The following DCST1 variants were observed in gnomAD, a reference collection of about 807,000 sequenced individuals.
The protein encoded by DCST1 is DC-STAMP domain containing 1, also known as E3 ubiquitin-protein ligase DCST1.
Under a neutral mutation model 89.1 loss-of-function variants are expected in DCST1, and 78 were observed. The observed-to-expected ratio is 0.88, with a 90% confidence interval of 0.73 to 1.06. DCST1 has a LOEUF of 1.06. Ranked by LOEUF, DCST1 falls within the 50% of genes least tolerant of loss-of-function variation. The pLI is 0.00. For missense variants in DCST1, 900 were observed against 928.6 expected, an observed-to-expected ratio of 0.97 and a Z score of 0.40; for synonymous variants, 364 against 371.9, an observed-to-expected ratio of 0.98 and a Z score of 0.24.
Position 155,039,408 on chromosome 1 carries a change from G to A in DCST1, c.268G>A (p.Gly90Arg), listed in dbSNP as rs956439575. The change falls in exon 5 of 17, where the codon GGG becomes AGG. Residue 90 changes from glycine to arginine, a missense_variant. Physicochemically the swap from Gly to Arg is moderately radical, Grantham distance 125. Transcript: ENST00000295542. ...CTCCTGGGCTCTCCTGACAGGCTTG[G>A]GGGCCATGGGCTGGGGGACCTCCCC... ...IMFLYSLVGL[G>R]AMGWGTSPHI... The A allele has an allele frequency of 1.3e-6, 2 of 1,583,856 alleles. No individual in the cohort carries two copies. Among genetic ancestry groups the A allele is most frequent in the Non-Finnish European group, 1.7e-6 (2 of 1,164,466 alleles).
At position 155,040,520 on chromosome 1, in the gene DCST1, G is replaced by A. The variant is rs984200491; in HGVS notation, c.427G>A (p.Val143Met). ...VANLRHNLNN[V>M]IASLGCTVEL... The stretch of plus-strand genomic sequence containing the variant: ...CAATCTGCGACACAATCTCAACAAC[G>A]TGATCGCATCGCTGGGCTGCACCGT... The change falls in exon 6 of 17, where the codon GTG becomes ATG. Residue 143 changes from valine to methionine, a missense_variant. Coordinates refer to ENST00000295542, the MANE Select transcript of DCST1 (RefSeq NM_152494.4). 3 of 1,596,812 alleles carry A rather than the reference G, an allele frequency of 1.9e-6. No homozygotes were observed. Among genetic ancestry groups the A allele is most frequent in the Admixed American group, 1.7e-5 (1 of 57,892 alleles).
intron 4 of DCST1, among the ~76,000 whole-genome samples, chr1:155,038,303 G>C (rs946470164): frequency 3.9e-5 from 6 of 152,260 alleles, no homozygotes; most frequent in Non-Finnish European, 8.8e-5. Context: ...AAGCTAGGTA[G>C]ACCATGTTAG....
intron 16 of DCST1, among the ~76,000 whole-genome samples, chr1:155,049,861 A>G (rs1360382577): frequency 6.6e-6 from 1 of 152,256 alleles, no homozygotes; most frequent in Admixed American, 6.5e-5. Flanking sequence ...GAATGCACAG[A>G]TGGAAATGTG....
intron 14 of DCST1, among the ~76,000 whole-genome samples, 154 bp from the exon 15 acceptor site, chr1:155,047,633 C>T (rs935946375): frequency 6.6e-6 from 1 of 152,232 alleles, no homozygotes; most frequent in Non-Finnish European, 1.5e-5. Context: ...CCAGCGGCTA[C>T]AGTACTGACA....
intron 4 of DCST1, among the ~76,000 whole-genome samples, chr1:155,037,521 G>A (rs1660312043): frequency 6.8e-6 from 1 of 147,144 alleles, no homozygotes; most frequent in Admixed American, 7.0e-5. Context: ...TCAGCTCACT[G>A]CAATCTCCGC....
At position 155,045,874 on chromosome 1, in the gene DCST1, C is replaced by T. The variant is rs774532197; in HGVS notation, c.1173-19C>T. The stretch of plus-strand genomic sequence containing the variant: ...AGAACCTGGAAGAGATGGAGACATC[C>T]CTGCCCATCCACCCACAGGTCTTTC... On this transcript the variant is annotated intron_variant, in intron 10 of 16. Coordinates refer to ENST00000295542, the MANE Select transcript of DCST1 (RefSeq NM_152494.4). 6 of 1,602,134 alleles carry T rather than the reference C, an allele frequency of 3.7e-6. No individual in the cohort carries two copies. The highest frequency in any genetic ancestry group is 5.1e-6 in the Non-Finnish European group (6 of 1,169,194).
At chr1:155,043,013 G>A (rs527523918) in intron 9 of DCST1, among the ~76,000 whole-genome samples, 157 bp downstream of exon 9, 3 of 151,962 alleles carry the variant, frequency 2.0e-5, no homozygotes, top group African/African-American at 7.2e-5. Context: ...CTGGTGTTGA[G>A]GGGGCCCTCT....
chr1:155,039,478 G>A lies in DCST1; in HGVS notation c.338G>A (p.Gly113Asp), dbSNP rs774646564. 1.2e-5 allele frequency: 19 copies of A among 1,602,088 alleles called. No homozygotes were observed. The Admixed American group carries it at 3.2e-4, about 27-fold the overall frequency. ...CTCCTACTAGTACCCAAGATGCTGG[G>A]CAAGGAAGGCAGGCTCTTTGTCCTG... Reference protein sequence around the residue: ...ASLLLVPKMLGKEGRLFVLGY... With the variant: ...ASLLLVPKMLDKEGRLFVLGY... The change falls in exon 5 of 17, where the codon GGC becomes GAC. Residue 113 changes from glycine to aspartate, a missense_variant. Coordinates refer to ENST00000295542, the MANE Select transcript of DCST1 (RefSeq NM_152494.4).
intron 10 of DCST1, 76 bp from the exon 11 acceptor site, chr1:155,045,817 T>A: frequency 1.5e-6 from 2 of 1,323,326 alleles, no homozygotes; most frequent in Admixed American, 3.4e-5. Flanking sequence ...TGACTGTGCC[T>A]CAAGGAAGCC....
intron 10 of DCST1, among the ~76,000 whole-genome samples, chr1:155,044,379 G>A (rs992724067): frequency 2.0e-5 from 3 of 151,714 alleles, no homozygotes; most frequent in Admixed American, 2.0e-4. Flanking sequence ...CTACTTGGGA[G>A]GCTGAGGCAG....
In DCST1 at chr1:155,043,423, CGT is replaced by C. The variant is rs1491245386; in HGVS notation, c.1089_1090del (p.Tyr364ProfsTer36). 3.7e-6 allele frequency: 6 copies of C among 1,611,472 alleles called. No individual in the cohort carries two copies. Among genetic ancestry groups the C allele is most frequent in the Non-Finnish European group, 4.2e-6 (5 of 1,178,332 alleles). ...ERVSTEVRDY[V>X]YRQEARLEWA... ...GCGTGAGCACCGAGGTGCGGGACTA[CGT>C]GTACCGCCAGGAGGCCCGGCTGGAG... On this transcript the variant is annotated frameshift_variant, in exon 10 of 17. Coordinates refer to ENST00000295542, the MANE Select transcript of DCST1 (RefSeq NM_152494.4). LOFTEE classifies it high-confidence loss of function.
intron 1 of DCST1, 22 bp from the exon 2 acceptor site, chr1:155,033,950 A>G (rs1660186623): frequency 6.6e-7 from 1 of 1,516,134 alleles, no homozygotes; most frequent in African/African-American, 1.4e-5. Context: ...AGAGACAGGC[A>G]GCACCTCTCT....
In DCST1 at chr1:155,041,479, C is replaced by T. The variant is rs375462437; in HGVS notation, c.614C>T (p.Thr205Met). The change falls in exon 7 of 17, where the codon ACG becomes ATG. Residue 205 changes from threonine (T) to methionine (M), a missense_variant. Coordinates refer to ENST00000295542, the MANE Select transcript of DCST1 (RefSeq NM_152494.4). Reference protein sequence around the residue: ...EDLDAQVNSETGYTPEDTMDS... With the variant: ...EDLDAQVNSEMGYTPEDTMDS... ...CTGGATGCCCAGGTGAATAGTGAGA[C>T]GGGCTACACGCCTGAGGATACCATG... is the stretch of plus-strand genomic sequence containing the variant. 5.3e-5 allele frequency: 86 copies of T among 1,614,078 alleles called. No homozygotes were observed. The highest frequency in any genetic ancestry group is 1.6e-4 in the Middle Eastern group (1 of 6,062).
At chr1:155,045,798 T>G (rs1239573217) in intron 10 of DCST1, 95 bp from the exon 11 acceptor site, 1 of 1,011,236 alleles carries the variant, frequency 9.9e-7, no homozygotes, top group Non-Finnish European at 1.6e-6. Flanking sequence ...TGCTGGCTGG[T>G]TGGTTGAATG....
chr1:155,050,416 TG>T, intron 16 of DCST1, 200 bp from the exon 17 acceptor site: 1 of 639,316 alleles, frequency 1.6e-6, no homozygotes, highest in Non-Finnish European at 2.6e-6. Flanking sequence ...GGAGAGAGCC[TG>T]GAGGGTGCAT....
chr1:155,047,794 G>T lies in DCST1; in HGVS notation c.1620G>T (p.Leu540=), dbSNP rs755873246. Residue 540 remains leucine, a synonymous_variant, in exon 15 of 17, where the codon CTG becomes CTT. Transcript: ENST00000295542. ...TVMESNNMPC[L]PQPVGLDARA... ...GGCCTGCCCCTCCCCTAGCCTGCCT[G>T]CCCCAGCCTGTGGGCCTGGATGCCA... 2.5e-6 allele frequency: 4 copies of T among 1,613,840 alleles called. No individual in the cohort carries two copies. Among genetic ancestry groups the T allele is most frequent in the Non-Finnish European group, 3.4e-6 (4 of 1,179,998 alleles).
intron 5 of DCST1, among the ~76,000 whole-genome samples, chr1:155,039,984 C>G (rs1243425402): frequency 8.4e-6 from 1 of 119,104 alleles, no homozygotes; most frequent in African/African-American, 3.4e-5. Context: ...GAGCAAGACT[C>G]CGTCTCAAAA....
chr1:155,039,343 C>T (rs976119179), intron 4 of DCST1, 60 bp from the exon 5 acceptor site: 21 of 1,459,708 alleles, frequency 1.4e-5, no homozygotes, highest in South Asian at 7.4e-5. Context: ...CTCTGGTAAA[C>T]GTGAGGAAGG....
chr1:155,039,670 C>A, intron 5 of DCST1, 139 bp downstream of exon 5: 2 of 1,171,936 alleles, frequency 1.7e-6, no homozygotes, highest in Non-Finnish European at 2.3e-6. Flanking sequence ...CCTGAGGGAG[C>A]TCCTCCCCAT....
Sources: allele counts gnomAD v4.1 joint callset (sites outside exome capture counted in the v4.1 genomes callset), GRCh38; gene constraint gnomAD v4.1.1; transcripts MANE v1.5; gene names NCBI Gene and HGNC (gene_info 2026-07-23, HGNC 2026-07-21).